The following AGRN variants were observed in gnomAD, a reference collection of about 807,000 sequenced individuals.
AGRN encodes agrin proteoglycan.
Under a neutral mutation model 211.0 loss-of-function variants are expected in AGRN, and 106 were observed. That is an observed-to-expected ratio of 0.50 (90% CI 0.43 to 0.59). The LOEUF is 0.59. Among genes scored for constraint, AGRN ranks in the 20% least tolerant of loss-of-function variants. AGRN has a pLI of 0.00. For synonymous variants in AGRN, 1,525 were observed against 1,332.5 expected, an observed-to-expected ratio of 1.14 and a Z score of -3.15; for missense variants, 3,040 against 2,982.6, an observed-to-expected ratio of 1.02 and a Z score of -0.45.
At chr1:1,021,652 G>C (rs1349073557) in intron 1 of AGRN, among the ~76,000 whole-genome samples, 4 of 152,262 alleles carry the variant, frequency 2.6e-5, no homozygotes, top group African/African-American at 9.6e-5. Context: ...CCCAGGAGCT[G>C]AGAAGGTGGA....
chr1:1,051,097 A>T, intron 30 of AGRN, 156 bp from the exon 31 acceptor site: 3 of 1,537,126 alleles, frequency 2.0e-6, no homozygotes, highest in Non-Finnish European at 2.6e-6. Flanking sequence ...CCCCTAGGGT[A>T]GCTCCTCCCC....
chr1:1,047,711 T>TC, intron 21 of AGRN, 24 bp downstream of exon 21: 4 of 1,612,830 alleles, frequency 2.5e-6, no homozygotes, highest in Non-Finnish European at 3.4e-6. Flanking sequence ...CCTGGACCCT[T>TC]CCTGGGAGGC....
rs960113611 is a variant in AGRN, at chr1:1,051,306, C to A, written c.5307C>A (p.Pro1769=). Residue 1769 remains proline (P), a synonymous_variant, in exon 31 of 36, where the codon CCC becomes CCA. Coordinates refer to ENST00000379370, the MANE Select transcript of AGRN (RefSeq NM_198576.4). ...LKEPLYVGGA[P]DFSKLARAAA... ...AGCCGCTCTACGTAGGGGGCGCTCC[C>A]GACTTCAGCAAGCTGGCCCGTGCTG... is the stretch of plus-strand genomic sequence containing the variant. The A allele has an allele frequency of 6.4e-7, 1 of 1,572,168 alleles. No homozygotes were observed. The highest frequency in any genetic ancestry group is 2.3e-5 in the East Asian group (1 of 42,914).
Position 1,043,589 on chromosome 1 carries a change from G to T in AGRN, c.1655G>T (p.Arg552Leu), listed in dbSNP as rs576229011. 1.2e-6 allele frequency: 2 copies of T among 1,604,896 alleles called. No homozygotes were observed. Among genetic ancestry groups the T allele is most frequent in the Non-Finnish European group, 1.7e-6 (2 of 1,179,786 alleles). Residue 552 changes from arginine (R) to leucine (L), a missense_variant, in exon 9 of 36, where the codon CGC (arginine) becomes CTC (leucine). Physicochemically the swap from Arg to Leu is moderately radical, Grantham distance 102 (BLOSUM62 -2). Transcript: ENST00000379370. Reference protein sequence around the residue: ...FGALCEAETGRCVCPSECVAL... With the variant: ...FGALCEAETGLCVCPSECVAL... ...GCCCTGTGCGAGGCCGAGACCGGGC[G>T]CTGCGTGTGCCCCTCTGAATGCGTG... is the stretch of plus-strand genomic sequence containing the variant.
rs1249777232 is a variant in AGRN, at chr1:1,034,315, G to A, written c.464-962G>A. ...CCCAGTCCCTCCTCCGCCTACCTCG[G>A]AGCCCACATTTGGGATTTCTACTCC... On this transcript the variant is annotated intron_variant, in intron 2 of 35. Coordinates refer to ENST00000379370, the MANE Select transcript of AGRN (RefSeq NM_198576.4). 9.1e-6 allele frequency: 9 copies of A among 985,390 alleles called. No homozygotes were observed. In the South Asian group the frequency reaches 3.3e-4, roughly 36 times the overall value. The allele number at this position is 985,390 out of a possible 1,614,324, so 61.0% of individuals were successfully genotyped here.
intron 1 of AGRN, 142 bp downstream of exon 1, chr1:1,020,515 G>A: frequency 1.3e-6 from 1 of 756,366 alleles, no homozygotes; most frequent in Non-Finnish European, 1.9e-6. Context: ...CCGGGAGGGG[G>A]GGTCGCCGGG....
rs540390242 is a variant in AGRN at position 1,049,048 on chromosome 1, C to G, written c.4287C>G (p.Arg1429=). ...DFLALALLDG[R]VQLRFDTGSG... ...TGGCATTGGCGCTGCTAGATGGCCG[C>G]GTGCAGCTCAGGTGGGCGGGGAGGG... The change falls in exon 24 of 36, where the codon CGC becomes CGG. Residue 1429 remains arginine, a synonymous_variant. Transcript: ENST00000379370. 9 of 1,544,348 alleles carry G rather than the reference C, an allele frequency of 5.8e-6. No individual in the cohort carries two copies. Among genetic ancestry groups the G allele is most frequent in the Admixed American group, 1.9e-5 (1 of 52,284 alleles).
chr1:1,035,454 G>A (rs1644781235), intron 3 of AGRN, 130 bp downstream of exon 3: 2 of 1,290,008 alleles, frequency 1.6e-6, no homozygotes, highest in Non-Finnish European at 1.1e-6. Flanking sequence ...AAGGGCACCT[G>A]CGTCTGTCCT....
At chr1:1,050,406 C>G (rs767966700) in intron 28 of AGRN, 21 bp from the exon 29 acceptor site, 4 of 1,612,716 alleles carry the variant, frequency 2.5e-6, no homozygotes, top group Non-Finnish European at 1.7e-6. Flanking sequence ...GCAAAGACAC[C>G]CCGACTCCCC....
chr1:1,050,114 T>C lies in AGRN; in HGVS notation c.4879+77T>C. 5 of 1,581,578 alleles carry C rather than the reference T, an allele frequency of 3.2e-6. No homozygotes were observed. In the South Asian group the frequency reaches 3.4e-5, roughly 11 times the overall value. ...GGGCGGGTACAGGTTCCAGGTAGCATTGCAGTTAGGATGCGGCTCAGTCTA... is the reference window on the plus strand; with the variant it reads ...GGGCGGGTACAGGTTCCAGGTAGCACTGCAGTTAGGATGCGGCTCAGTCTA... On this transcript the variant is annotated intron_variant, in intron 27 of 35. Transcript: ENST00000379370.
intron 3 of AGRN, among the ~76,000 whole-genome samples, chr1:1,037,264 T>C (rs1434842151): frequency 6.6e-6 from 1 of 152,168 alleles, no homozygotes; most frequent in African/African-American, 2.4e-5. Context: ...TCCCCTCTCT[T>C]AGCATCCTCA....
intron 3 of AGRN, 72 bp downstream of exon 3, chr1:1,035,396 G>A (rs1280591780): frequency 5.7e-6 from 9 of 1,572,082 alleles, no homozygotes; most frequent in African/African-American, 1.4e-5. Flanking sequence ...ATTTGGAGGT[G>A]TGCACCCAGA....
rs1377283211 is a variant in AGRN, at chr1:1,041,975, C to T, written c.1197C>T (p.Cys399=). The change falls in exon 7 of 36, where the codon TGC becomes TGT. Residue 399 remains cysteine, a synonymous_variant. Coordinates refer to ENST00000379370, the MANE Select transcript of AGRN (RefSeq NM_198576.4). ...CQGRDQCPEP[C]RFNAVCLSRR... ...TCCTAGACCAGTGCCCGGAGCCCTG[C>T]CGGTTCAATGCCGTGTGCCTGTCCC... 2 of 1,611,700 alleles carry T rather than the reference C, an allele frequency of 1.2e-6. No individual in the cohort carries two copies. The highest frequency in any genetic ancestry group is 8.5e-7 in the Non-Finnish European group (1 of 1,179,676).
At position 1,055,177 on chromosome 1, in the gene AGRN, C is replaced by T. The variant is rs370908455; in HGVS notation, c.*196C>T. 4.4e-4 allele frequency: 378 copies of T among 854,102 alleles called. 5 individuals are homozygous for T. In the East Asian group the frequency reaches 6.4e-3, roughly 14 times the overall value. 52.9% of individuals were successfully genotyped at this position (854,102 alleles called of 1,614,324 possible). On this transcript the variant is annotated 3_prime_UTR_variant, in exon 36 of 36. Transcript: ENST00000379370. ...CGAGGTGGCAGCGTGGAGGGCTCGG[C>T]GTGGATGGCAGCCTCAGGACACACA...
At chr1:1,035,115 G>A in intron 2 of AGRN, 162 bp from the exon 3 acceptor site, 3 of 804,200 alleles carry the variant, frequency 3.7e-6, no homozygotes, top group South Asian at 1.4e-5. Context: ...ACCTCAGCCA[G>A]CCCATGGGGT....
At chr1:1,039,471 C>T (rs768883465) in intron 3 of AGRN, among the ~76,000 whole-genome samples, 3 of 152,050 alleles carry the variant, frequency 2.0e-5, no homozygotes, top group South Asian at 2.1e-4. Flanking sequence ...GTGGTAGCCA[C>T]CCCTCTGACA....
chr1:1,042,273 TGGGCCGGTCCCTCTGG>T (rs1644966483), intron 7 of AGRN, 111 bp downstream of exon 7: 8 of 1,325,866 alleles, frequency 6.0e-6, no homozygotes, highest in Non-Finnish European at 8.2e-6. Flanking sequence ...GTCCTGGGAG[TGGGCCGGTCCCTCTGG>T]GAAGGCTCTG....
chr1:1,030,809 C>A (rs1644653166), intron 2 of AGRN, among the ~76,000 whole-genome samples: 1 of 102,954 alleles, frequency 9.7e-6, no homozygotes, highest in African/African-American at 4.1e-5. Flanking sequence ...GCTGTGAGAT[C>A]AGCATGTGTG....
intron 12 of AGRN, 86 bp downstream of exon 12, chr1:1,044,525 CGTT>C (rs1326940489): frequency 3.0e-6 from 4 of 1,351,344 alleles, no homozygotes; most frequent in Non-Finnish European, 4.1e-6. Context: ...CCGTGTGCTG[CGTT>C]GGGCCCCTGT....
Sources: allele counts gnomAD v4.1 joint callset (sites outside exome capture counted in the v4.1 genomes callset), GRCh38; gene constraint gnomAD v4.1.1; transcripts MANE v1.5; gene names NCBI Gene and HGNC (gene_info 2026-07-23, HGNC 2026-07-21).